Variants in TFCP2L1 observed in about 807,000 individuals in gnomAD.
The protein encoded by TFCP2L1 is transcription factor CP2-like protein 1.
Under a neutral mutation model 72.2 loss-of-function variants are expected in TFCP2L1, and 12 were observed. The observed-to-expected ratio is 0.17, with a 90% CI of 0.11 to 0.27. TFCP2L1 has a LOEUF of 0.27. TFCP2L1 is among the 10% of genes least tolerant of loss of function. The pLI, the probability that TFCP2L1 is intolerant of heterozygous loss-of-function variation, is 1.00. For synonymous variants in TFCP2L1, 260 were observed against 251.0 expected (o/e 1.04, Z -0.34); for missense variants, 488 against 624.6 (o/e 0.78, Z 2.33).
At chr2:121,263,469 CAAAAA>C (rs10603088) in intron 2 of TFCP2L1, among the ~76,000 whole-genome samples, 1 of 67,486 alleles carries the variant, frequency 1.5e-5, no homozygotes, top group Non-Finnish European at 2.9e-5. Context: ...CTGTTTTTGG[CAAAAA>C]AAAAAAAAAA....
At position 121,238,642 on chromosome 2, in the gene TFCP2L1, C is replaced by G. The variant is rs140612940; in HGVS notation, c.861-792G>C. Among the ~76,000 whole-genome samples the G allele has an allele frequency of 1.6e-3, 245 of 152,282 alleles. 1 individual carries two copies. Among genetic ancestry groups the G allele is most frequent in the Middle Eastern group, 3.4e-3 (1 of 294 alleles). On this transcript the variant is annotated intron_variant, in intron 8 of 14. Transcript: ENST00000263707. ...GCCGCCACTTCTCGCCAAGTGTCTA[C>G]AGGGTGCAAGCATCGTACACTTGTT...
At chr2:121,240,544 C>A in intron 7 of TFCP2L1, 1 of 985,440 alleles carries the variant, frequency 1.0e-6, no homozygotes. Flanking sequence ...GAAAGCTGAA[C>A]AGCTGATAGA....
intron 13 of TFCP2L1, among the ~76,000 whole-genome samples, chr2:121,231,410 C>G (rs1386492211): frequency 1.3e-5 from 2 of 152,244 alleles, no homozygotes; most frequent in Non-Finnish European, 2.9e-5. Context: ...ACCTTCACCA[C>G]TTGGCAGAGG....
intron 2 of TFCP2L1, among the ~76,000 whole-genome samples, chr2:121,254,679 T>G (rs914633187): frequency 6.6e-6 from 1 of 152,114 alleles, no homozygotes; most frequent in Admixed American, 6.5e-5. Context: ...ATGCTTGTAA[T>G]CGCAGCTATT....
chr2:121,276,101 T>C (rs181810963), intron 2 of TFCP2L1, among the ~76,000 whole-genome samples: 4 of 152,300 alleles, frequency 2.6e-5, no homozygotes, highest in Admixed American at 2.6e-4. Flanking sequence ...AGTTCTGAGA[T>C]ACATGTGCAG....
In TFCP2L1 at chr2:121,273,759, T is replaced by C. The variant is rs142244344; in HGVS notation, c.214+7361A>G. Among the ~76,000 whole-genome samples the C allele has an allele frequency of 5.3e-3, 805 of 152,318 alleles. 6 individuals are homozygous for C. The highest frequency in any genetic ancestry group is 0.019 in the African/African-American group (785 of 41,560). ...CACAAGAATAATGCAGTAACTACCA[T>C]AGAGGCTTATAAACACTTAATAGCA... On this transcript the variant is annotated intron_variant, in intron 2 of 14. Coordinates refer to ENST00000263707, the MANE Select transcript of TFCP2L1 (RefSeq NM_014553.3).
rs1336382643 is a variant in TFCP2L1 at position 121,223,143 on chromosome 2, T to C, written c.*1198A>G. The C allele has an allele frequency of 6.6e-6, 1 of 152,138 alleles. No individual in the cohort carries two copies. Among genetic ancestry groups the C allele is most frequent in the East Asian group, 1.9e-4 (1 of 5,196 alleles). The allele number at this position is 152,138 out of a possible 1,614,324, so 9.4% of individuals were successfully genotyped here. A position where few individuals can be genotyped will look rare whatever the true frequency, so the allele number is the denominator to read the frequency against. On this transcript the variant is annotated 3_prime_UTR_variant, in exon 15 of 15. Coordinates refer to ENST00000263707, the MANE Select transcript of TFCP2L1 (RefSeq NM_014553.3). ...AAGCTATGACATCCCATTCAGGTGG[T>C]CAGAGGGTTCCCCATGAACCTAAAT...
chr2:121,269,907 T>TCAAAAAAAAAAAAAAAAAAAAA (rs750107740), intron 2 of TFCP2L1, among the ~76,000 whole-genome samples: 2 of 77,534 alleles, frequency 2.6e-5, no homozygotes, highest in African/African-American at 1.3e-4. Flanking sequence ...AGACTCCATC[T>TCAAAAAAAAAAAAAAAAAAAAA]AAAAAAAAAA....
chr2:121,284,707 C>T (rs936263149), intron 1 of TFCP2L1, among the ~76,000 whole-genome samples: 6 of 152,148 alleles, frequency 3.9e-5, no homozygotes, highest in Admixed American at 2.0e-4. Context: ...CTCCGATACG[C>T]GGGGGAGAGG....
At chr2:121,262,265 G>A (rs1012373262) in intron 2 of TFCP2L1, among the ~76,000 whole-genome samples, 6 of 152,174 alleles carry the variant, frequency 3.9e-5, no homozygotes, top group African/African-American at 1.4e-4. Flanking sequence ...AGGAGTTTGA[G>A]ACCAACCTGC....
rs147609984 is a variant in TFCP2L1, at chr2:121,233,964, G to A, written c.1198+127C>T. The stretch of plus-strand genomic sequence containing the variant: ...ATGCACTAGGCTGCCCTTTCCACGT[G>A]TGGGCATGTGGGAGCCCAGGACTGT... On this transcript the variant is annotated intron_variant, in intron 12 of 14. Transcript: ENST00000263707. The A allele has an allele frequency of 1.4e-3, 1,129 of 817,616 alleles. 3 individuals carry two copies. The highest frequency in any genetic ancestry group is 1.7e-3 in the Non-Finnish European group (857 of 498,696). The allele number at this position is 817,616 out of a possible 1,614,324, so 50.6% of individuals were successfully genotyped here. A position where few individuals can be genotyped will look rare whatever the true frequency, so the allele number is the denominator to read the frequency against.
chr2:121,272,068 G>A (rs1040492451), intron 2 of TFCP2L1, among the ~76,000 whole-genome samples: 3 of 152,122 alleles, frequency 2.0e-5, no homozygotes, highest in Non-Finnish European at 2.9e-5. Flanking sequence ...CTAGAATCCT[G>A]CCTTCAGGAA....
rs1686098391 is a variant in TFCP2L1 at position 121,229,497 on chromosome 2, G to C, written c.1341+2329C>G. ...TCGTGAACATTCAAGGGCTCTGGCAGTTTAATGACAAGTGGCAAGAGGATT... is the reference window on the plus strand; with the variant it reads ...TCGTGAACATTCAAGGGCTCTGGCACTTTAATGACAAGTGGCAAGAGGATT... On this transcript the variant is annotated intron_variant, in intron 13 of 14. Coordinates refer to ENST00000263707, the MANE Select transcript of TFCP2L1 (RefSeq NM_014553.3). Among the ~76,000 whole-genome samples the C allele has an allele frequency of 2.0e-5, 3 of 152,222 alleles. No homozygotes were observed. In the South Asian group the frequency reaches 6.2e-4, roughly 31 times the overall value.
intron 6 of TFCP2L1, among the ~76,000 whole-genome samples, chr2:121,244,193 A>G (rs367624598): frequency 1.3e-5 from 2 of 152,328 alleles, no homozygotes; most frequent in East Asian, 3.9e-4. Context: ...CCGAGCCTGC[A>G]TGCAGGGCAC....
At chr2:121,276,099 G>C (rs996810453) in intron 2 of TFCP2L1, among the ~76,000 whole-genome samples, 28 of 152,118 alleles carry the variant, frequency 1.8e-4, no homozygotes, top group African/African-American at 6.3e-4. Flanking sequence ...TAAGTTCTGA[G>C]ATACATGTGC....
intron 10 of TFCP2L1, 135 bp from the exon 11 acceptor site, chr2:121,235,446 A>C: frequency 1.3e-6 from 1 of 795,926 alleles, no homozygotes; most frequent in Non-Finnish European, 2.1e-6. Context: ...ACAGAGAGAA[A>C]ATGGCAAAAT....
chr2:121,279,164 C>G lies in TFCP2L1; in HGVS notation c.214+1956G>C, dbSNP rs79295237. 2.7e-3 allele frequency among the ~76,000 whole-genome samples: 408 copies of G among 152,236 alleles called. 2 individuals carry two copies. The East Asian group carries it at 0.033, about 12-fold the overall frequency. On this transcript the variant is annotated intron_variant, in intron 2 of 14. Transcript: ENST00000263707. ...CACTCTTCAGCACCACAGGACTTAGCCAACAAGAAGAACCACATCAAAGCT... is the reference window on the plus strand; with the variant it reads ...CACTCTTCAGCACCACAGGACTTAGGCAACAAGAAGAACCACATCAAAGCT...
At chr2:121,243,580 C>T (rs148535293) in intron 6 of TFCP2L1, among the ~76,000 whole-genome samples, 3 of 152,258 alleles carry the variant, frequency 2.0e-5, no homozygotes, top group African/African-American at 4.8e-5. Flanking sequence ...CTCACATTAC[C>T]GTCTAAGCTC....
intron 7 of TFCP2L1, among the ~76,000 whole-genome samples, chr2:121,241,594 G>A (rs1404834290): frequency 6.6e-6 from 1 of 151,790 alleles, no homozygotes; most frequent in African/African-American, 2.4e-5. Flanking sequence ...TTGCTGTCAG[G>A]GTTAACAGAA....
Sources: gnomAD v4.1 joint callset for allele counts (sites outside exome capture counted in the v4.1 genomes callset) on GRCh38, gnomAD v4.1.1 for gene constraint, MANE v1.5 for transcripts, NCBI Gene and HGNC (gene_info 2026-07-23, HGNC 2026-07-21) for gene names.